SYT1: variants seen among roughly 807,000 people sequenced by gnomAD.
SYT1 encodes the protein synaptotagmin 1.
A neutral mutation model predicts 44.8 loss-of-function variants in SYT1; 8 were observed. The ratio of observed to expected loss-of-function variants is 0.18; its 90% CI spans 0.10 to 0.32. The LOEUF is 0.32. Ranked by LOEUF, SYT1 falls within the 10% of genes least tolerant of loss-of-function variation. The pLI, the probability that SYT1 is intolerant of heterozygous loss-of-function variation, is 1.00. For synonymous variants in SYT1, 154 were observed against 188.8 expected (o/e 0.82, Z 1.51); for missense variants, 286 against 509.3 (o/e 0.56, Z 4.22).
chr12:79,405,814 A>C (rs1593039594), intron 9 of SYT1, among the ~76,000 whole-genome samples: 1 of 151,954 alleles, frequency 6.6e-6, no homozygotes, highest in East Asian at 1.9e-4. Flanking sequence ...CTCTGTTTCC[A>C]TGATTGTCTC....
At chr12:79,276,953 A>G (rs1878764826) in intron 4 of SYT1, among the ~76,000 whole-genome samples, 1 of 144,026 alleles carries the variant, frequency 6.9e-6, no homozygotes, top group African/African-American at 2.5e-5. Context: ...AAGAAGGAAG[A>G]AGGAGGAGGA....
intron 3 of SYT1, among the ~76,000 whole-genome samples, chr12:79,194,646 C>T (rs1411989146): frequency 2.6e-5 from 4 of 151,958 alleles, no homozygotes; most frequent in East Asian, 1.9e-4. Flanking sequence ...ACTTTGAGAA[C>T]CACTGTGTAC....
At chr12:79,214,168 AC>A (rs1390193182) in intron 3 of SYT1, among the ~76,000 whole-genome samples, 1 of 152,196 alleles carries the variant, frequency 6.6e-6, no homozygotes, top group Non-Finnish European at 1.5e-5. Context: ...ATCCTCAATT[AC>A]CCACAACATT....
intron 1 of SYT1, among the ~76,000 whole-genome samples, chr12:78,961,264 T>C (rs1226010381): frequency 6.6e-6 from 1 of 151,886 alleles, no homozygotes; most frequent in African/African-American, 2.4e-5. Flanking sequence ...ACCTACCCAC[T>C]GGCTAATTTT....
intron 3 of SYT1, among the ~76,000 whole-genome samples, chr12:79,065,960 A>G (rs1238805293): frequency 1.3e-5 from 2 of 152,178 alleles, no homozygotes; most frequent in African/African-American, 4.8e-5. Flanking sequence ...ACAAAAGAAC[A>G]AAGTAATTAT....
chr12:79,310,027 C>A (rs1292875929), intron 8 of SYT1, among the ~76,000 whole-genome samples: 1 of 152,086 alleles, frequency 6.6e-6, no homozygotes, highest in African/African-American at 2.4e-5. Flanking sequence ...TTAATTACAT[C>A]CCATTTGTCA....
At chr12:79,319,240 T>G (rs1046319872) in intron 8 of SYT1, among the ~76,000 whole-genome samples, 1 of 152,176 alleles carries the variant, frequency 6.6e-6, no homozygotes, top group Non-Finnish European at 1.5e-5. Flanking sequence ...TAGTGCAAAT[T>G]TACCTTTACT....
chr12:79,234,708 C>CTTTTTTTTTTT (rs1565867795), intron 4 of SYT1, among the ~76,000 whole-genome samples: 1 of 102,946 alleles, frequency 9.7e-6, no homozygotes, highest in Non-Finnish European at 2.0e-5. Context: ...TTCTTTCTTT[C>CTTTTTTTTTTT]TTTCTTTTTT....
At chr12:78,904,080 A>G (rs1333365409) in intron 1 of SYT1, among the ~76,000 whole-genome samples, 5 of 152,070 alleles carry the variant, frequency 3.3e-5, no homozygotes, top group African/African-American at 1.2e-4. Context: ...AGTTATTAGA[A>G]TCCCCGGTAA....
At chr12:79,054,088 G>T (rs1399807930) in intron 3 of SYT1, among the ~76,000 whole-genome samples, 2 of 151,952 alleles carry the variant, frequency 1.3e-5, no homozygotes, top group Non-Finnish European at 2.9e-5. Flanking sequence ...TGTTATAGTG[G>T]TTTTGCAGAT....
At chr12:79,345,353 A>T (rs1468982886) in intron 8 of SYT1, among the ~76,000 whole-genome samples, 1 of 152,112 alleles carries the variant, frequency 6.6e-6, no homozygotes, top group Non-Finnish European at 1.5e-5. Flanking sequence ...TTCAATCTTC[A>T]CCTCCTATAG....
intron 2 of SYT1, among the ~76,000 whole-genome samples, chr12:79,033,108 A>G (rs947808398): frequency 6.6e-6 from 1 of 151,354 alleles, no homozygotes; most frequent in Non-Finnish European, 1.5e-5. Flanking sequence ...ATTAGTTGCC[A>G]TTCACATTAG....
intron 4 of SYT1, among the ~76,000 whole-genome samples, chr12:79,243,928 G>T (rs1232079892): frequency 6.6e-6 from 1 of 151,722 alleles, no homozygotes; most frequent in African/African-American, 2.4e-5. Context: ...ACAGGATGGG[G>T]GTGGCTAAAT....
intron 3 of SYT1, among the ~76,000 whole-genome samples, chr12:79,178,040 C>T (rs1263741548): frequency 6.6e-6 from 1 of 151,612 alleles, no homozygotes; most frequent in Non-Finnish European, 1.5e-5. Flanking sequence ...TGCAGAAGCT[C>T]TTTAGTTTAA....
intron 3 of SYT1, among the ~76,000 whole-genome samples, chr12:79,216,057 G>A (rs534847233): frequency 4.3e-4 from 62 of 145,184 alleles, no homozygotes; most frequent in African/African-American, 1.4e-3. Flanking sequence ...TCAGCCTCCC[G>A]ACTATCTGGG....
At position 79,359,626 on chromosome 12, in the gene SYT1, A is replaced by G. The variant is rs554504113; in HGVS notation, c.928+6007A>G. Among the ~76,000 whole-genome samples the G allele has an allele frequency of 2.5e-4, 38 of 152,276 alleles. No individual in the cohort carries two copies. The South Asian group carries it at 7.3e-3, about 29-fold the overall frequency. ...AGGAGTCACCATCACTATATGTCAC[A>G]CTGCCAGTGTGTGGATTAGCTACTG... On this transcript the variant is annotated intron_variant, in intron 9 of 10. Transcript: ENST00000261205.
chr12:78,992,424 A>T (rs1294437030), intron 2 of SYT1, among the ~76,000 whole-genome samples: 1 of 152,212 alleles, frequency 6.6e-6, no homozygotes, highest in Non-Finnish European at 1.5e-5. Context: ...ATGGCCATGG[A>T]ATCGAATTAG....
At chr12:79,076,106 T>C (rs2137925628) in intron 3 of SYT1, among the ~76,000 whole-genome samples, 1 of 152,224 alleles carries the variant, frequency 6.6e-6, no homozygotes, top group Admixed American at 6.5e-5. Context: ...ATGACCTTTT[T>C]GCTAAGTTTG....
chr12:79,190,291 C>T (rs1190207072), intron 3 of SYT1, among the ~76,000 whole-genome samples: 1 of 152,124 alleles, frequency 6.6e-6, no homozygotes, highest in Non-Finnish European at 1.5e-5. Flanking sequence ...ACCTTCTTTC[C>T]TGTCAAAATC....
Sources: allele counts gnomAD v4.1 joint callset (sites outside exome capture counted in the v4.1 genomes callset), GRCh38; gene constraint gnomAD v4.1.1; transcripts MANE v1.5; gene names NCBI Gene and HGNC (gene_info 2026-07-23, HGNC 2026-07-21).